SYNE2: variants seen among roughly 807,000 people sequenced by gnomAD.
SYNE2 encodes the protein spectrin repeat containing nuclear envelope protein 2, also known as nesprin-2.
A neutral mutation model predicts 856.3 loss-of-function variants in SYNE2; 431 were observed. That is an observed-to-expected ratio of 0.50 (90% confidence interval 0.47 to 0.55). The LOEUF (loss-of-function observed/expected upper bound fraction) is 0.55. Ranked by LOEUF, SYNE2 falls within the 20% of genes least tolerant of loss-of-function variation. SYNE2 has a pLI of 0.00. For synonymous variants in SYNE2, 2,923 were observed against 2,872.3 expected (o/e 1.02, Z -0.56); for missense variants, 8,129 against 8,023.2 (o/e 1.01, Z -0.50).
chr14:64,143,950 T>G lies in SYNE2; in HGVS notation c.15483+2T>G. 1 of 1,614,102 alleles carries G rather than the reference T, an allele frequency of 6.2e-7. No individual in the cohort carries two copies. Among genetic ancestry groups the G allele is most frequent in the Non-Finnish European group, 8.5e-7 (1 of 1,179,980 alleles). On this transcript the variant is annotated splice_donor_variant, in intron 83 of 115. Transcript: ENST00000555002. LOFTEE classifies it high-confidence loss of function. ...GTACATGGAATGCTGAATAGAAAGGTGTGTTCCTGCGTCACAACTGGATGT... is the reference window on the plus strand; with the variant it reads ...GTACATGGAATGCTGAATAGAAAGGGGTGTTCCTGCGTCACAACTGGATGT...
chr14:63,791,412 A>G (rs1180188898), intron 1 of SYNE2, among the ~76,000 whole-genome samples: 2 of 152,190 alleles, frequency 1.3e-5, no homozygotes, highest in South Asian at 2.1e-4. Context: ...TTGACTTAGC[A>G]TGGTATATAA....
intron 2 of SYNE2, among the ~76,000 whole-genome samples, chr14:63,915,094 T>A (rs188019126): frequency 3.9e-5 from 6 of 152,356 alleles, no homozygotes; most frequent in Admixed American, 2.6e-4. Context: ...AGTGTGTTTT[T>A]ATGAGGCAAG....
chr14:64,108,804 A>AC (rs143573179), intron 65 of SYNE2, among the ~76,000 whole-genome samples: 7,213 of 145,540 alleles, frequency 0.05, 534 homozygotes, highest in African/African-American at 0.16. Context: ...TCAGAGGTTT[A>AC]CACCCAGTGG....
At chr14:64,077,386 T>A (rs200593445) in intron 54 of SYNE2, among the ~76,000 whole-genome samples, 1 of 948 alleles carries the variant, frequency 1.1e-3, no homozygotes, top group African/African-American at 4.0e-3. Context: ...CAAAGTGGGA[T>A]TTTTTTTTTT....
intron 102 of SYNE2, 146 bp from the exon 103 acceptor site, chr14:64,209,796 G>C: frequency 5.0e-6 from 6 of 1,195,524 alleles, no homozygotes; most frequent in Non-Finnish European, 6.1e-6. Context: ...TTCTGTAGCT[G>C]GCATCAGGAC....
chr14:64,084,149 C>T (rs1370503820), intron 57 of SYNE2: 1 of 152,228 alleles, frequency 6.6e-6, no homozygotes, highest in Non-Finnish European at 1.5e-5. Flanking sequence ...GTCTTGAACT[C>T]CTGACCTCAG....
At chr14:63,765,667 C>T (rs1020398097) in intron 1 of SYNE2, among the ~76,000 whole-genome samples, 2 of 151,928 alleles carry the variant, frequency 1.3e-5, no homozygotes, top group African/African-American at 4.8e-5. Flanking sequence ...CATATGTCAT[C>T]GACTTTTAAA....
At chr14:64,166,789 C>T (rs960210984) in intron 90 of SYNE2, 1 of 221,478 alleles carries the variant, frequency 4.5e-6, no homozygotes, top group South Asian at 6.2e-5. Flanking sequence ...AAAAATTAGC[C>T]AGGTGTGGTG....
chr14:63,967,367 T>C (rs2096407989), intron 10 of SYNE2, among the ~76,000 whole-genome samples: 1 of 152,256 alleles, frequency 6.6e-6, no homozygotes, highest in African/African-American at 2.4e-5. Flanking sequence ...TCATTCATTC[T>C]TATTCTGTTG....
At chr14:63,945,321 C>A (rs2096009385) in intron 6 of SYNE2, among the ~76,000 whole-genome samples, 1 of 152,102 alleles carries the variant, frequency 6.6e-6, no homozygotes, top group African/African-American at 2.4e-5. Flanking sequence ...CACTGCCCTC[C>A]TTTCCTAAAG....
At chr14:63,828,595 G>A (rs1231272946) in intron 1 of SYNE2, among the ~76,000 whole-genome samples, 1 of 152,082 alleles carries the variant, frequency 6.6e-6, no homozygotes, top group African/African-American at 2.4e-5. Context: ...GGAACAAAGT[G>A]AGACCCCCGT....
chr14:64,007,713 C>T (rs1238313459), intron 31 of SYNE2, among the ~76,000 whole-genome samples: 1 of 151,568 alleles, frequency 6.6e-6, no homozygotes, highest in Non-Finnish European at 1.5e-5. Context: ...CCCATCTCTA[C>T]AAAATATAAA....
chr14:63,763,788 C>T (rs1047312099), intron 1 of SYNE2, among the ~76,000 whole-genome samples: 24 of 152,142 alleles, frequency 1.6e-4, no homozygotes, highest in African/African-American at 5.8e-4. Flanking sequence ...CCTCTGCCTC[C>T]CCAGTAGCTG....
rs1567163620 is a variant in SYNE2 at position 64,052,790 on chromosome 14, T to C, written c.8877T>C (p.Ala2959=). ...HEKTSALQEE[A]DSIQRNELLL... ...AAACATCAGCGCTTCAGGAGGAGGC[T>C]GACAGTATACAGCGCAATGAACTAT... Residue 2959 remains alanine, a synonymous_variant, in exon 48 of 116, where the codon GCT becomes GCC. Coordinates refer to ENST00000555002, the MANE Select transcript of SYNE2 (RefSeq NM_182914.3). The C allele has an allele frequency of 1.2e-6, 2 of 1,612,636 alleles. No homozygotes were observed. Among genetic ancestry groups the C allele is most frequent in the Non-Finnish European group, 1.7e-6 (2 of 1,179,452 alleles).
At chr14:64,092,837 T>C (rs2097637954) in intron 60 of SYNE2, among the ~76,000 whole-genome samples, 1 of 152,198 alleles carries the variant, frequency 6.6e-6, no homozygotes, top group Admixed American at 6.5e-5. Flanking sequence ...AAAACACACA[T>C]CACTGATCCC....
rs949447495 is a variant in SYNE2 at position 64,102,115 on chromosome 14, G to A, written c.12492+73G>A. ...GGGGAGCAGGGATCTCTTTCTGCAC[G>A]ACTTTCTTTCCCTACACCCCTGAGA... On this transcript the variant is annotated intron_variant, in intron 64 of 115. Coordinates refer to ENST00000555002, the MANE Select transcript of SYNE2 (RefSeq NM_182914.3). The A allele has an allele frequency of 6.4e-5, 70 of 1,087,554 alleles. 1 individual carries two copies. The highest frequency in any genetic ancestry group is 2.3e-4 in the Admixed American group (13 of 55,402). The allele number at this position is 1,087,554 out of a possible 1,614,324, so 67.4% of individuals were successfully genotyped here. A position where few individuals can be genotyped will look rare whatever the true frequency, so the allele number is the denominator to read the frequency against.
intron 80 of SYNE2, 114 bp downstream of exon 80, chr14:64,140,187 CTT>C (rs1272427515): frequency 5.8e-6 from 6 of 1,037,986 alleles, no homozygotes; most frequent in Non-Finnish European, 8.8e-6. Flanking sequence ...AGGGGTAAGA[CTT>C]GGGCGAATGG....
chr14:64,022,797 C>G lies in SYNE2; in HGVS notation c.5571C>G (p.Asn1857Lys). Residue 1857 changes from asparagine to lysine, a missense_variant, in exon 38 of 116, where the codon AAC becomes AAG. Transcript: ENST00000555002. ...FNDWFSNIKV[N>K]LKECFESSET... Reference sequence around the variant, plus strand: ...ACTGGTTCAGCAACATTAAAGTGAACCTTAAGGAGTGTTTTGAATCATCAG... The same window carrying G: ...ACTGGTTCAGCAACATTAAAGTGAAGCTTAAGGAGTGTTTTGAATCATCAG... 1 of 1,611,690 alleles carries G rather than the reference C, an allele frequency of 6.2e-7. No homozygotes were observed. The highest frequency in any genetic ancestry group is 8.5e-7 in the Non-Finnish European group (1 of 1,178,416).
At chr14:63,869,839 A>G (rs573292886) in intron 1 of SYNE2, among the ~76,000 whole-genome samples, 17 of 152,172 alleles carry the variant, frequency 1.1e-4, no homozygotes, top group Admixed American at 4.6e-4. Flanking sequence ...TATCCAATTT[A>G]TCCCATACCT....
Sources: gnomAD v4.1 joint callset for allele counts (sites outside exome capture counted in the v4.1 genomes callset) on GRCh38, gnomAD v4.1.1 for gene constraint, MANE v1.5 for transcripts, NCBI Gene and HGNC (gene_info 2026-07-23, HGNC 2026-07-21) for gene names.